Variants in ITGB3BP observed in about 807,000 individuals in gnomAD.
The protein encoded by ITGB3BP is integrin subunit beta 3 binding protein.
In ITGB3BP, 27 loss-of-function variants were observed where a neutral mutation model predicts 29.1. That is an observed-to-expected ratio of 0.93 (90% CI 0.68 to 1.28). The LOEUF (loss-of-function observed/expected upper bound fraction) is 1.28, where lower values mean the gene tolerates loss of function less well. ITGB3BP is among the 50% of genes most tolerant of loss of function. ITGB3BP has a pLI of 0.00. For missense variants in ITGB3BP, 192 were observed against 200.2 expected, an observed-to-expected ratio of 0.96 and a Z score of 0.25; for synonymous variants, 61 against 61.4, an observed-to-expected ratio of 0.99 and a Z score of 0.03.
chr1:63,475,769 G>A (rs6698821), intron 4 of ITGB3BP, among the ~76,000 whole-genome samples: 59,875 of 151,714 alleles, frequency 0.39, 13,569 homozygotes, highest in Non-Finnish European at 0.52. Context: ...AGGCTGAGGC[G>A]GGCAGATCAC....
chr1:63,471,942 G>T (rs1264321465), intron 4 of ITGB3BP, among the ~76,000 whole-genome samples: 1 of 151,830 alleles, frequency 6.6e-6, no homozygotes, highest in Non-Finnish European at 1.5e-5. Flanking sequence ...AAGCCACCAC[G>T]CCTGGCTAAT....
chr1:63,449,809 G>A lies in ITGB3BP; in HGVS notation c.485-2953C>T, dbSNP rs373970157. 11 of 154,554 alleles carry A rather than the reference G, an allele frequency of 7.1e-5. No homozygotes were observed. In the South Asian group the frequency reaches 2.2e-3, roughly 31 times the overall value. 9.6% of individuals were successfully genotyped at this position (154,554 alleles called of 1,614,324 possible). A position where few individuals can be genotyped will look rare whatever the true frequency, so the allele number is the denominator to read the frequency against. On this transcript the variant is annotated intron_variant, in intron 7 of 8. Transcript: ENST00000271002. ...TTCAAACCTCAGTGCTTTTAAAATT[G>A]AAGTATCTGTTTGAAAAAAATATAT...
chr1:63,507,558 T>C (rs1156909115), intron 2 of ITGB3BP, among the ~76,000 whole-genome samples: 3 of 152,234 alleles, frequency 2.0e-5, no homozygotes, highest in Non-Finnish European at 2.9e-5. Flanking sequence ...AAGAAACAGA[T>C]GCAGAATTAC....
intron 2 of ITGB3BP, among the ~76,000 whole-genome samples, chr1:63,491,248 C>G (rs1645638917): frequency 6.6e-6 from 1 of 152,164 alleles, no homozygotes; most frequent in South Asian, 2.1e-4. Context: ...TGATCACCCA[C>G]CAGCACTGCT....
At position 63,494,514 on chromosome 1, in the gene ITGB3BP, A is replaced by G. The variant is rs575559767; in HGVS notation, c.49-4296T>C. On this transcript the variant is annotated intron_variant, in intron 2 of 8. Coordinates refer to ENST00000271002, the MANE Select transcript of ITGB3BP (RefSeq NM_014288.5). ...TATGGTAGCCATGGAGAACAGAAACATTTTGAACTTATCTTAGTGATCTTA... is the reference window on the plus strand; with the variant it reads ...TATGGTAGCCATGGAGAACAGAAACGTTTTGAACTTATCTTAGTGATCTTA... Among the ~76,000 whole-genome samples, 12 of 152,318 alleles carry G rather than the reference A, an allele frequency of 7.9e-5. 1 individual carries two copies. The highest frequency in any genetic ancestry group is 2.9e-4 in the African/African-American group (12 of 41,584).
chr1:63,459,547 A>C (rs1234511137), intron 4 of ITGB3BP, among the ~76,000 whole-genome samples: 1 of 152,152 alleles, frequency 6.6e-6, no homozygotes. Flanking sequence ...TGAATTATGA[A>C]AACAATGAAA....
intron 4 of ITGB3BP, among the ~76,000 whole-genome samples, chr1:63,459,155 AC>A (rs1483607338): frequency 6.6e-6 from 1 of 152,024 alleles, no homozygotes; most frequent in East Asian, 1.9e-4. Context: ...ATGCTGCTTA[AC>A]TCTCCATGTA....
At position 63,454,970 on chromosome 1, in the gene ITGB3BP, T is replaced by C; in HGVS notation, c.255-2A>G. On this transcript the variant is annotated splice_acceptor_variant, in intron 4 of 8. Coordinates refer to ENST00000271002, the MANE Select transcript of ITGB3BP (RefSeq NM_014288.5). LOFTEE classifies it high-confidence loss of function. The surrounding 1 kb of genome is among the most constrained non-coding windows in gnomAD (Gnocchi z 4.1). ...ACTTTTGATAGCAACATCATGAATC[T>C]AGTAATAAAGAAAAAGACAATACTT... 6.8e-7 allele frequency: 1 copy of C among 1,460,772 alleles called. No homozygotes were observed. The highest frequency in any genetic ancestry group is 1.4e-5 in the African/African-American group (1 of 71,820). 90.5% of individuals were successfully genotyped at this position (1,460,772 alleles called of 1,614,324 possible).
chr1:63,527,114 GT>G (rs528391089), upstream of ITGB3BP, among the ~76,000 whole-genome samples: 13 of 151,718 alleles, frequency 8.6e-5, no homozygotes, highest in Admixed American at 2.0e-4. Flanking sequence ...AATAATCCGA[GT>G]TTTTTTTTGT....
chr1:63,446,576 C>A, intron 8 of ITGB3BP: 1 of 486,130 alleles, frequency 2.1e-6, no homozygotes, highest in Non-Finnish European at 3.8e-6. Context: ...TTAAAGTTAG[C>A]GTCGTCAGCT....
chr1:63,446,423 T>TTGTTAA lies in ITGB3BP; in HGVS notation c.*1+382_*1+383insTTAACA, dbSNP rs1644791752. 3 of 171,778 alleles carry TTGTTAA rather than the reference T, an allele frequency of 1.7e-5. No individual in the cohort carries two copies. The South Asian group carries it at 5.4e-4, about 31-fold the overall frequency. 10.6% of individuals were successfully genotyped at this position (171,778 alleles called of 1,614,324 possible). A position where few individuals can be genotyped will look rare whatever the true frequency, so the allele number is the denominator to read the frequency against. On this transcript the variant is annotated intron_variant, in intron 8 of 8. Transcript: ENST00000271002. ...ATTTCCAAATTTAACAGACTAGTTATATCTTGTTCAGTCAGATGTGTCCTA... is the reference window on the plus strand; with the variant it reads ...ATTTCCAAATTTAACAGACTAGTTATTGTTAAATCTTGTTCAGTCAGATGTGTCCTA...
intron 3 of ITGB3BP, among the ~76,000 whole-genome samples, chr1:63,481,434 T>C (rs553665969): frequency 6.6e-6 from 1 of 152,332 alleles, no homozygotes; most frequent in East Asian, 1.9e-4. Flanking sequence ...TAATAATTAC[T>C]TTCCTTTATT....
chr1:63,473,540 C>A (rs1645255381), intron 4 of ITGB3BP, among the ~76,000 whole-genome samples: 1 of 139,014 alleles, frequency 7.2e-6, no homozygotes, highest in Non-Finnish European at 1.6e-5. Context: ...AGCCCCCCGC[C>A]CGGCCAGCTG....
chr1:63,523,290 C>G (rs574644968), upstream of ITGB3BP: 8 of 925,972 alleles, frequency 8.6e-6, no homozygotes, highest in Admixed American at 1.5e-4. Context: ...CTCCCCGCGA[C>G]GAAGGATCCG....
At position 63,454,360 on chromosome 1, in the gene ITGB3BP, G is replaced by C; in HGVS notation, c.427+20C>G. 1.5e-6 allele frequency: 2 copies of C among 1,327,126 alleles called. No individual in the cohort carries two copies. Among genetic ancestry groups the C allele is most frequent in the South Asian group, 2.5e-5 (2 of 80,224 alleles). 82.2% of individuals were successfully genotyped at this position (1,327,126 alleles called of 1,614,324 possible). On this transcript the variant is annotated intron_variant, in intron 6 of 8. Coordinates refer to ENST00000271002, the MANE Select transcript of ITGB3BP (RefSeq NM_014288.5). This position sits in a 1 kb window ranked among gnomAD's most constrained non-coding sequence, Gnocchi z 4.1. Reference sequence around the variant, plus strand: ...GTTTATCTTTAAAATTACTGTCATTGAAAACTCAAAAATTCTTACTTAGTT... The same window carrying C: ...GTTTATCTTTAAAATTACTGTCATTCAAAACTCAAAAATTCTTACTTAGTT...
chr1:63,502,573 T>C (rs1186504510), intron 2 of ITGB3BP, among the ~76,000 whole-genome samples: 1 of 151,368 alleles, frequency 6.6e-6, no homozygotes, highest in Non-Finnish European at 1.5e-5. Flanking sequence ...TGCAGGTTAG[T>C]TACATATGTA....
intron 1 of ITGB3BP, among the ~76,000 whole-genome samples, chr1:63,521,595 G>A (rs1185929237): frequency 6.6e-6 from 1 of 152,078 alleles, no homozygotes; most frequent in East Asian, 1.9e-4. Context: ...ACATTGGGAG[G>A]CTGAGGTGGA....
At chr1:63,479,606 C>T (rs1471236642) in intron 3 of ITGB3BP, among the ~76,000 whole-genome samples, 2 of 152,218 alleles carry the variant, frequency 1.3e-5, no homozygotes, top group African/African-American at 4.8e-5. Context: ...CTCGGCCCTC[C>T]CGACCAGCAG....
At chr1:63,478,730 T>C in intron 4 of ITGB3BP, 34 bp downstream of exon 4, 3 of 976,676 alleles carry the variant, frequency 3.1e-6, no homozygotes, top group South Asian at 1.5e-5. Context: ...TTCTGCAAGA[T>C]ACACATATAT....
Sources: allele counts gnomAD v4.1 joint callset (sites outside exome capture counted in the v4.1 genomes callset), GRCh38; gene constraint gnomAD v4.1.1; non-coding constraint Gnocchi (gnomAD v3.1); transcripts MANE v1.5; gene names NCBI Gene and HGNC (gene_info 2026-07-23, HGNC 2026-07-21).